Variants in KCNIP4 observed in about 807,000 individuals in gnomAD.
The protein encoded by KCNIP4 is Kv channel-interacting protein 4.
In KCNIP4, 12 loss-of-function variants were observed where a neutral mutation model predicts 34.0. That is an observed-to-expected ratio of 0.35 (90% CI 0.23 to 0.57). The LOEUF is 0.57. KCNIP4 is among the 20% of genes least tolerant of loss of function. KCNIP4 has a pLI of 0.83. For missense variants in KCNIP4, 238 were observed against 311.7 expected (o/e 0.76, Z 1.78); for synonymous variants, 124 against 102.2 (o/e 1.21, Z -1.29).
At chr4:21,360,200 A>G (rs1489945456) in intron 1 of KCNIP4, among the ~76,000 whole-genome samples, 1 of 152,150 alleles carries the variant, frequency 6.6e-6, no homozygotes, top group Non-Finnish European at 1.5e-5. Context: ...AAATGCTAAT[A>G]AAAATAATCA....
At chr4:21,890,150 T>C (rs1010764291) in intron 1 of KCNIP4, among the ~76,000 whole-genome samples, 1 of 152,158 alleles carries the variant, frequency 6.6e-6, no homozygotes, top group Non-Finnish European at 1.5e-5. Flanking sequence ...CCGTATGTTA[T>C]AATTCACATC....
chr4:21,080,703 T>C (rs1486501638), intron 1 of KCNIP4, among the ~76,000 whole-genome samples: 1 of 145,974 alleles, frequency 6.9e-6, no homozygotes, highest in African/African-American at 2.5e-5. Context: ...ATTAGTGATA[T>C]GCATTTTATA....
intron 1 of KCNIP4, among the ~76,000 whole-genome samples, chr4:21,244,811 A>T (rs1760088044): frequency 6.6e-6 from 1 of 152,214 alleles, no homozygotes; most frequent in Non-Finnish European, 1.5e-5. Flanking sequence ...TTAAGATGCT[A>T]AGTCCTCAAT....
intron 1 of KCNIP4, among the ~76,000 whole-genome samples, chr4:21,664,100 C>G (rs923599585): frequency 2.0e-5 from 3 of 152,064 alleles, no homozygotes; most frequent in African/African-American, 7.2e-5. Flanking sequence ...TGTGCACCAC[C>G]ACAACTGGCT....
At chr4:20,839,879 A>G (rs10018257) in intron 3 of KCNIP4, among the ~76,000 whole-genome samples, 59,259 of 151,950 alleles carry the variant, frequency 0.39, 12,086 homozygotes, top group Non-Finnish European at 0.46. Context: ...CTCAACATAT[A>G]TCCATTTTTG....
intron 1 of KCNIP4, among the ~76,000 whole-genome samples, chr4:21,675,600 TAAAAG>T (rs1281018221): frequency 6.6e-6 from 1 of 152,112 alleles, no homozygotes; most frequent in Non-Finnish European, 1.5e-5. Flanking sequence ...ATTTTTTTAT[TAAAAG>T]AAAAGAAACA....
intron 1 of KCNIP4, among the ~76,000 whole-genome samples, chr4:21,346,197 TTA>T (rs1553865207): frequency 1.6e-3 from 4 of 2,490 alleles, no homozygotes; most frequent in Non-Finnish European, 4.9e-3. Context: ...ATATATAGAA[TTA>T]TATATATAAT....
chr4:21,086,431 A>AATT (rs1746438472), intron 1 of KCNIP4, among the ~76,000 whole-genome samples: 1 of 152,186 alleles, frequency 6.6e-6, no homozygotes. Context: ...GATTTACAAG[A>AATT]ATTTTTAAAT....
chr4:21,378,407 A>T (rs932618305), intron 1 of KCNIP4, among the ~76,000 whole-genome samples: 2 of 152,116 alleles, frequency 1.3e-5, no homozygotes. Flanking sequence ...ATATTATCTC[A>T]TAGTGTCAGT....
At chr4:20,761,325 C>T (rs1357340240) in intron 3 of KCNIP4, among the ~76,000 whole-genome samples, 1 of 152,184 alleles carries the variant, frequency 6.6e-6, no homozygotes, top group East Asian at 1.9e-4. Context: ...AGTTCCATTT[C>T]TCTGAAGGAC....
At chr4:21,745,620 A>C (rs2109136163) in intron 1 of KCNIP4, among the ~76,000 whole-genome samples, 1 of 152,272 alleles carries the variant, frequency 6.6e-6, no homozygotes, top group East Asian at 1.9e-4. Flanking sequence ...CCACAGAAAC[A>C]CAAAAATTAA....
chr4:21,009,349 T>G (rs1244810359), intron 1 of KCNIP4, among the ~76,000 whole-genome samples: 1 of 152,216 alleles, frequency 6.6e-6, no homozygotes, highest in East Asian at 1.9e-4. Context: ...CAATAAACCC[T>G]GGGTTCAGAG....
chr4:21,016,994 A>G (rs535553631), intron 1 of KCNIP4, among the ~76,000 whole-genome samples: 1 of 152,170 alleles, frequency 6.6e-6, no homozygotes, highest in South Asian at 2.1e-4. Context: ...TCCTTTTGCC[A>G]ATTGATTCTA....
chr4:21,423,030 T>A (rs1045022383), intron 1 of KCNIP4, among the ~76,000 whole-genome samples: 6 of 152,316 alleles, frequency 3.9e-5, no homozygotes, highest in African/African-American at 1.4e-4. Context: ...TTTATCTCAG[T>A]AGGCTACAGT....
intron 1 of KCNIP4, among the ~76,000 whole-genome samples, chr4:21,084,422 A>T (rs957381965): frequency 6.7e-5 from 10 of 149,694 alleles, no homozygotes; most frequent in Admixed American, 1.3e-4. Context: ...CAGTGGATAA[A>T]TCTAAATGAC....
At chr4:20,790,929 T>C (rs1335433612) in intron 3 of KCNIP4, among the ~76,000 whole-genome samples, 3 of 152,126 alleles carry the variant, frequency 2.0e-5, no homozygotes, top group African/African-American at 7.2e-5. Flanking sequence ...CAAAGAAAGA[T>C]GGCTTATTTT....
chr4:20,815,973 G>A (rs1188932800), intron 3 of KCNIP4, among the ~76,000 whole-genome samples: 1 of 152,132 alleles, frequency 6.6e-6, no homozygotes, highest in African/African-American at 2.4e-5. Context: ...AGTAGGCTGG[G>A]AGTGGTAGCT....
chr4:21,884,671 A>G (rs1726657568), intron 1 of KCNIP4, among the ~76,000 whole-genome samples: 1 of 152,176 alleles, frequency 6.6e-6, no homozygotes, highest in South Asian at 2.1e-4. Flanking sequence ...CAGGTGATCT[A>G]TGATAAAGGC....
intron 1 of KCNIP4, among the ~76,000 whole-genome samples, chr4:21,859,685 C>T (rs1724958899): frequency 6.6e-6 from 1 of 151,912 alleles, no homozygotes; most frequent in Non-Finnish European, 1.5e-5. Flanking sequence ...AAATGGTCTA[C>T]TTCTGCAACT....
Sources: gnomAD v4.1 joint callset for allele counts (sites outside exome capture counted in the v4.1 genomes callset) on GRCh38, gnomAD v4.1.1 for gene constraint, MANE v1.5 for transcripts, NCBI Gene and HGNC (gene_info 2026-07-23, HGNC 2026-07-21) for gene names.